ATRNL1: variants seen among roughly 807,000 people sequenced by gnomAD.
ATRNL1 encodes attractin like 1.
A neutral mutation model predicts 182.7 loss-of-function variants in ATRNL1; 95 were observed. That is an observed-to-expected ratio of 0.52 (90% CI 0.44 to 0.62). The LOEUF is 0.62. Among genes scored for constraint, ATRNL1 ranks in the 20% least tolerant of loss-of-function variants. The pLI, the probability that ATRNL1 is intolerant of heterozygous loss-of-function variation, is 0.00. For synonymous variants in ATRNL1, 576 were observed against 568.3 expected (o/e 1.01, Z -0.19); for missense variants, 1,471 against 1,679.5 (o/e 0.88, Z 2.17).
chr10:115,602,224 G>A (rs1555016135), intron 26 of ATRNL1, among the ~76,000 whole-genome samples: 1 of 151,920 alleles, frequency 6.6e-6, no homozygotes, highest in African/African-American at 2.4e-5. Context: ...CATGGTGGTG[G>A]GCACCTATAA....
chr10:115,917,691 CT>C (rs1475010544), intron 28 of ATRNL1, among the ~76,000 whole-genome samples: 1 of 151,938 alleles, frequency 6.6e-6, no homozygotes, highest in East Asian at 1.9e-4. Context: ...AGGAAAAATT[CT>C]TGTTTACTTT....
At chr10:115,924,206 C>T (rs1392070986) in intron 28 of ATRNL1, among the ~76,000 whole-genome samples, 2 of 152,100 alleles carry the variant, frequency 1.3e-5, no homozygotes, top group African/African-American at 4.8e-5. Context: ...GTTGACTGTT[C>T]ACCCTGATGA....
At chr10:115,255,470 T>G (rs1361793883) in intron 10 of ATRNL1, among the ~76,000 whole-genome samples, 1 of 152,184 alleles carries the variant, frequency 6.6e-6, no homozygotes, top group Admixed American at 6.5e-5. Flanking sequence ...ATGTTTGTGA[T>G]TTTTGCACAT....
intron 27 of ATRNL1, chr10:115,820,176 T>C (rs1341961081): frequency 6.6e-6 from 1 of 152,168 alleles, no homozygotes; most frequent in Non-Finnish European, 1.5e-5. Context: ...GGTTTTAACA[T>C]TGTCAGAAAT....
chr10:115,678,677 G>T (rs188277506), intron 26 of ATRNL1, among the ~76,000 whole-genome samples: 315 of 152,132 alleles, frequency 2.1e-3, no homozygotes, highest in African/African-American at 7.2e-3. Context: ...CCTTCCAAAA[G>T]GAACTTAAAT....
At chr10:115,202,006 G>A (rs1848601472) in intron 8 of ATRNL1, among the ~76,000 whole-genome samples, 2 of 151,844 alleles carry the variant, frequency 1.3e-5, no homozygotes, top group African/African-American at 4.8e-5. Flanking sequence ...GTGAATGGGA[G>A]TTCACTCATG....
rs559516137 is a variant in ATRNL1 at position 115,911,027 on chromosome 10, CAG to C, written c.4019-33628_4019-33627del. Among the ~76,000 whole-genome samples, 128 of 152,128 alleles carry C rather than the reference CAG, an allele frequency of 8.4e-4. 1 individual carries two copies. Among genetic ancestry groups the C allele is most frequent in the African/African-American group, 2.7e-3 (113 of 41,458 alleles). On this transcript the variant is annotated intron_variant, in intron 28 of 28. Transcript: ENST00000355044. ...TTTATTTATTTATTTATTTTGGAAACAGAGTCTCACTTTGTCGCCCAGGCTGG... is the reference window on the plus strand; with the variant it reads ...TTTATTTATTTATTTATTTTGGAAACAGTCTCACTTTGTCGCCCAGGCTGG...
chr10:115,862,272 C>T (rs782220449), intron 28 of ATRNL1, among the ~76,000 whole-genome samples: 3 of 152,214 alleles, frequency 2.0e-5, no homozygotes, highest in Non-Finnish European at 4.4e-5. Context: ...TTATTGCCTA[C>T]TGCATTACAG....
At chr10:115,700,021 A>G (rs1317471936) in intron 26 of ATRNL1, among the ~76,000 whole-genome samples, 2 of 152,150 alleles carry the variant, frequency 1.3e-5, no homozygotes, top group Non-Finnish European at 2.9e-5. Context: ...ACAAGATTTC[A>G]TTCATTTTTA....
intron 26 of ATRNL1, among the ~76,000 whole-genome samples, chr10:115,591,172 C>T (rs541020475): frequency 2.0e-5 from 3 of 152,322 alleles, no homozygotes; most frequent in Non-Finnish European, 4.4e-5. Context: ...TGCACACACA[C>T]ATAGTAGCAA....
intron 24 of ATRNL1, among the ~76,000 whole-genome samples, chr10:115,488,734 C>T (rs1849151296): frequency 1.3e-5 from 2 of 152,018 alleles, no homozygotes; most frequent in African/African-American, 4.8e-5. Flanking sequence ...TTTAGTTCTG[C>T]CCTGATCTTA....
intron 15 of ATRNL1, among the ~76,000 whole-genome samples, chr10:115,298,446 C>A (rs192482549): frequency 6.6e-6 from 1 of 152,008 alleles, no homozygotes; most frequent in Non-Finnish European, 1.5e-5. Context: ...ATTTTTATCA[C>A]GATGAGTTAG....
intron 27 of ATRNL1, among the ~76,000 whole-genome samples, chr10:115,733,479 G>A (rs571540074): frequency 1.3e-5 from 2 of 152,214 alleles, no homozygotes; most frequent in East Asian, 1.9e-4. Flanking sequence ...TCTGTTTATT[G>A]GGACAGTTCA....
At chr10:115,761,046 C>T (rs1948722409) in intron 27 of ATRNL1, among the ~76,000 whole-genome samples, 1 of 152,166 alleles carries the variant, frequency 6.6e-6, no homozygotes, top group Admixed American at 6.5e-5. Context: ...CACAACACAA[C>T]TAGGGAAGTA....
chr10:115,366,221 A>G (rs1857029085), intron 19 of ATRNL1, among the ~76,000 whole-genome samples: 2 of 152,144 alleles, frequency 1.3e-5, no homozygotes, highest in Non-Finnish European at 2.9e-5. Context: ...GTGCATATAT[A>G]TTTAGGATAG....
Position 115,587,364 on chromosome 10 carries a change from G to C in ATRNL1, c.3795+37828G>C, listed in dbSNP as rs1387221620. Among the ~76,000 whole-genome samples the C allele has an allele frequency of 3.3e-5, 5 of 151,980 alleles. 1 individual carries two copies. The highest frequency in any genetic ancestry group is 1.2e-4 in the African/African-American group (5 of 41,542). On this transcript the variant is annotated intron_variant, in intron 26 of 28. Transcript: ENST00000355044. ...CGGGCGCCCCTCCCCCAGCCTCGCT[G>C]CCGCCTTGCAGTTTGATCTCAGACT...
At chr10:115,203,587 T>G (rs1848679147) in intron 8 of ATRNL1, among the ~76,000 whole-genome samples, 1 of 145,210 alleles carries the variant, frequency 6.9e-6, no homozygotes, top group East Asian at 2.0e-4. Flanking sequence ...CTTTTTTTTT[T>G]TTTTTTTTTT....
Position 115,281,354 on chromosome 10 carries a change from G to T in ATRNL1, c.2101-1G>T. 1.2e-6 allele frequency: 2 copies of T among 1,606,934 alleles called. No individual in the cohort carries two copies. The highest frequency in any genetic ancestry group is 1.7e-6 in the Non-Finnish European group (2 of 1,176,882). ...AATAACATGCTCTTTTAATTTTGTAGTCTGTCAAGAACTACACCAAATGTC... is the reference window on the plus strand; with the variant it reads ...AATAACATGCTCTTTTAATTTTGTATTCTGTCAAGAACTACACCAAATGTC... On this transcript the variant is annotated splice_acceptor_variant, in intron 13 of 28. Coordinates refer to ENST00000355044, the MANE Select transcript of ATRNL1 (RefSeq NM_207303.4). LOFTEE classifies it high-confidence loss of function.
At chr10:115,100,269 T>C (rs1232800021) in intron 1 of ATRNL1, among the ~76,000 whole-genome samples, 3 of 151,288 alleles carry the variant, frequency 2.0e-5, no homozygotes, top group Non-Finnish European at 4.4e-5. Flanking sequence ...CTGTACTCCA[T>C]CCTGGGCAAC....
Sources: gnomAD v4.1 joint callset for allele counts (sites outside exome capture counted in the v4.1 genomes callset) on GRCh38, gnomAD v4.1.1 for gene constraint, MANE v1.5 for transcripts, NCBI Gene and HGNC (gene_info 2026-07-23, HGNC 2026-07-21) for gene names.